Variants in ABCC1 observed in about 807,000 individuals in gnomAD.
ABCC1 encodes the protein multidrug resistance-associated protein 1.
In ABCC1, 83 loss-of-function variants were observed where a neutral mutation model predicts 172.9. That is an observed-to-expected ratio of 0.48 (90% CI 0.40 to 0.58). The LOEUF is 0.58. Among genes scored for constraint, ABCC1 ranks in the 20% least tolerant of loss-of-function variants. ABCC1 has a pLI of 0.00. For missense variants in ABCC1, 1,817 were observed against 2,002.7 expected, an observed-to-expected ratio of 0.91 and a Z score of 1.77; for synonymous variants, 937 against 825.2, an observed-to-expected ratio of 1.14 and a Z score of -2.32.
chr16:16,039,292 G>T (rs1238538544), intron 7 of ABCC1, among the ~76,000 whole-genome samples: 1 of 138,468 alleles, frequency 7.2e-6, no homozygotes, highest in Non-Finnish European at 1.5e-5. Flanking sequence ...TTTTGAGATG[G>T]AGTCTCATTC....
Position 16,036,228 on chromosome 16 carries a change from TA to T in ABCC1, c.678-231del, listed in dbSNP as rs4148341. Among the ~76,000 whole-genome samples, 638 of 137,258 alleles carry T rather than the reference TA, an allele frequency of 4.6e-3. 1 individual carries two copies. The highest frequency in any genetic ancestry group is 6.3e-3 in the Admixed American group (86 of 13,688). The allele number at this position is 137,258 out of a possible 152,430, so 90.0% of individuals were successfully genotyped here. A position where few individuals can be genotyped will look rare whatever the true frequency, so the allele number is the denominator to read the frequency against. On this transcript the variant is annotated intron_variant, in intron 6 of 30. Coordinates refer to ENST00000399410, the MANE Select transcript of ABCC1 (RefSeq NM_004996.4). The stretch of plus-strand genomic sequence containing the variant: ...TCCCTAAGTCTTTTGTATGCACCAC[TA>T]AAAAAAAAAAAAGCCATTTTTCCTG...
chr16:16,053,911 T>C (rs571232850), intron 11 of ABCC1, among the ~76,000 whole-genome samples: 1 of 151,150 alleles, frequency 6.6e-6, no homozygotes, highest in South Asian at 2.1e-4. Flanking sequence ...CTTCTACAAC[T>C]TTCTACGTAT....
At chr16:16,093,276 G>T (rs1215880393) in intron 19 of ABCC1, among the ~76,000 whole-genome samples, 1 of 151,960 alleles carries the variant, frequency 6.6e-6, no homozygotes, top group Non-Finnish European at 1.5e-5. Flanking sequence ...AAATGTGTGG[G>T]TTTAGCTGAA....
At chr16:16,121,910 C>A in intron 23 of ABCC1, 65 bp from the exon 24 acceptor site, 3 of 1,551,152 alleles carry the variant, frequency 1.9e-6, no homozygotes, top group Non-Finnish European at 2.7e-6. Context: ...TCCAGCACAG[C>A]CCTGCCCTGG....
intron 9 of ABCC1, 78 bp downstream of exon 9, chr16:16,046,091 C>G: frequency 1.3e-6 from 2 of 1,498,954 alleles, no homozygotes; most frequent in South Asian, 1.2e-5. Flanking sequence ...CTGGGGCCAG[C>G]GTGGGGATTT....
intron 17 of ABCC1, among the ~76,000 whole-genome samples, chr16:16,085,259 C>T (rs1221343358): frequency 6.6e-6 from 1 of 152,200 alleles, no homozygotes; most frequent in Non-Finnish European, 1.5e-5. Context: ...CACCTCCACA[C>T]CTTGGTCTGA....
At chr16:15,966,308 A>T (rs2046240337) in intron 1 of ABCC1, among the ~76,000 whole-genome samples, 1 of 151,420 alleles carries the variant, frequency 6.6e-6, no homozygotes, top group Admixed American at 6.6e-5. Context: ...GTTACTCGGG[A>T]GGCTGAGGCG....
intron 21 of ABCC1, among the ~76,000 whole-genome samples, chr16:16,108,982 A>G (rs1233197845): frequency 2.6e-5 from 4 of 152,130 alleles, no homozygotes; most frequent in African/African-American, 9.7e-5. Context: ...TTTCAGGGAC[A>G]GCAGGCAACT....
intron 27 of ABCC1, among the ~76,000 whole-genome samples, chr16:16,132,346 T>C (rs1289193415): frequency 6.7e-6 from 1 of 149,134 alleles, no homozygotes; most frequent in Non-Finnish European, 1.5e-5. Context: ...CTAATTTTTG[T>C]ATTTTTTGTA....
chr16:16,010,086 C>G (rs2047721606), intron 3 of ABCC1, among the ~76,000 whole-genome samples, 185 bp downstream of exon 3: 2 of 114,034 alleles, frequency 1.8e-5, no homozygotes. Context: ...CGCTTTCATC[C>G]AGGCTGGAGT....
chr16:16,073,040 CA>C (rs5815853), intron 14 of ABCC1, among the ~76,000 whole-genome samples: 28,436 of 115,574 alleles, frequency 0.25, 2,864 homozygotes, highest in South Asian at 0.32. Context: ...GACTTCATCT[CA>C]AAAAAAAAAA....
chr16:16,074,668 G>A (rs1269564856), intron 14 of ABCC1, among the ~76,000 whole-genome samples: 1 of 152,116 alleles, frequency 6.6e-6, no homozygotes, highest in Non-Finnish European at 1.5e-5. Context: ...CAAGCTAACC[G>A]TTCTCTGCAA....
intron 16 of ABCC1, among the ~76,000 whole-genome samples, chr16:16,079,952 A>G (rs2050743442): frequency 6.6e-6 from 1 of 151,798 alleles, no homozygotes; most frequent in African/African-American, 2.4e-5. Flanking sequence ...CTAGGATTAC[A>G]GGCATGCGCC....
chr16:16,052,892 C>G, intron 11 of ABCC1, 76 bp downstream of exon 11: 1 of 1,423,074 alleles, frequency 7.0e-7, no homozygotes, highest in Non-Finnish European at 9.9e-7. Context: ...TAGTCCAGTT[C>G]CTTCTGCTCT....
chr16:16,055,983 T>C, intron 11 of ABCC1, 109 bp from the exon 12 acceptor site: 1 of 962,112 alleles, frequency 1.0e-6, no homozygotes, highest in Non-Finnish European at 1.5e-6. Context: ...AAAAAACATT[T>C]ACATGTCAAA....
At chr16:16,118,350 C>T (rs746158897) in intron 23 of ABCC1, among the ~76,000 whole-genome samples, 10 of 150,618 alleles carry the variant, frequency 6.6e-5, no homozygotes, top group Non-Finnish European at 8.8e-5. Context: ...TTGATGAGAA[C>T]GAACAGTGAT....
intron 5 of ABCC1, among the ~76,000 whole-genome samples, chr16:16,025,548 T>C (rs540487047): frequency 6.6e-6 from 1 of 152,222 alleles, no homozygotes; most frequent in African/African-American, 2.4e-5. Context: ...GGGGGCACTT[T>C]GGCAGTGCAG....
At chr16:16,000,967 A>C (rs1383118548) in intron 1 of ABCC1, among the ~76,000 whole-genome samples, 1 of 152,216 alleles carries the variant, frequency 6.6e-6, no homozygotes, top group Non-Finnish European at 1.5e-5. Flanking sequence ...TGACTGAAGA[A>C]ACCATTTATT....
intron 7 of ABCC1, among the ~76,000 whole-genome samples, chr16:16,042,881 CAG>C (rs1251108210): frequency 2.0e-5 from 3 of 152,112 alleles, no homozygotes; most frequent in Non-Finnish European, 2.9e-5. Flanking sequence ...CTTTTTAAGA[CAG>C]AGTCTTGCTG....
Sources: gnomAD v4.1 joint callset for allele counts (sites outside exome capture counted in the v4.1 genomes callset) on GRCh38, gnomAD v4.1.1 for gene constraint, MANE v1.5 for transcripts, NCBI Gene and HGNC (gene_info 2026-07-23, HGNC 2026-07-21) for gene names.